The following CNIH3 variants were observed in gnomAD, a reference collection of about 807,000 sequenced individuals.
The protein encoded by CNIH3 is protein cornichon homolog 3.
Under a neutral mutation model 24.1 loss-of-function variants are expected in CNIH3, and 14 were observed. That is an observed-to-expected ratio of 0.58 (90% CI 0.38 to 0.91). The LOEUF is 0.91. Ranked by LOEUF, CNIH3 falls within the 40% of genes least tolerant of loss-of-function variation. CNIH3 has a pLI of 0.00. For missense variants in CNIH3, 178 were observed against 196.8 expected, an observed-to-expected ratio of 0.90 and a Z score of 0.57; for synonymous variants, 68 against 73.8, an observed-to-expected ratio of 0.92 and a Z score of 0.40.
At chr1:224,609,681 A>G (rs1053990273) in intron 3 of CNIH3, among the ~76,000 whole-genome samples, 4 of 152,230 alleles carry the variant, frequency 2.6e-5, no homozygotes, top group East Asian at 1.9e-4. Context: ...TAAATGAAAC[A>G]TATGGTCAGA....
Position 224,463,773 on chromosome 1 carries a change from A to ATTTTTTTTTTTTTTTTT in CNIH3, n.203+28931_203+28947dup, listed in dbSNP as rs56137320. On this transcript the variant is annotated intron_variant and non_coding_transcript_variant, in intron 1 of 5. Coordinates refer to the CNIH3 transcript ENST00000471578. Reference sequence around the variant, plus strand: ...TTCTCCCAGCTTATGAATTGTCCTCATTTTTTTTTTTTTTTTTTTTTTTTT... The same window carrying ATTTTTTTTTTTTTTTTT: ...TTCTCCCAGCTTATGAATTGTCCTCATTTTTTTTTTTTTTTTTTTTTTTTTTTTTTTTTTTTTTTTTT... 2.4e-4 allele frequency among the ~76,000 whole-genome samples: 5 copies of ATTTTTTTTTTTTTTTTT among 20,730 alleles called. 2 individuals carry two copies. The highest frequency in any genetic ancestry group is 1.8e-3 in the Admixed American group (2 of 1,132). The allele number at this position is 20,730 out of a possible 152,430, so 13.6% of individuals were successfully genotyped here. A position where few individuals can be genotyped will look rare whatever the true frequency, so the allele number is the denominator to read the frequency against.
intron 1 of CNIH3, among the ~76,000 whole-genome samples, chr1:224,678,621 G>T (rs970724214): frequency 1.3e-5 from 2 of 152,062 alleles, no homozygotes; most frequent in African/African-American, 2.4e-5. Flanking sequence ...ACTTAAAGGG[G>T]TTCTTTGTGG....
At chr1:224,443,030 G>C (rs1674987778) in intron 1 of CNIH3, among the ~76,000 whole-genome samples, 1 of 152,174 alleles carries the variant, frequency 6.6e-6, no homozygotes, top group Non-Finnish European at 1.5e-5. Flanking sequence ...TCCTCCAGAA[G>C]CTATCACAGG....
In CNIH3 at chr1:224,709,806, A is replaced by G. The variant is rs139630144; in HGVS notation, c.199-20656A>G. Among the ~76,000 whole-genome samples, 669 of 152,324 alleles carry G rather than the reference A, an allele frequency of 4.4e-3. 6 individuals are homozygous for G. The highest frequency in any genetic ancestry group is 0.015 in the African/African-American group (631 of 41,586). On this transcript the variant is annotated intron_variant, in intron 3 of 5. Transcript: ENST00000272133. ...GGGTTCTCTCTTCCTTCAACCTGCCATCTACTCATTACAGTAGTACCCCCT... is the reference window on the plus strand; with the variant it reads ...GGGTTCTCTCTTCCTTCAACCTGCCGTCTACTCATTACAGTAGTACCCCCT...
chr1:224,707,678 T>C (rs1234293362), intron 3 of CNIH3, among the ~76,000 whole-genome samples: 4 of 152,124 alleles, frequency 2.6e-5, no homozygotes, highest in Non-Finnish European at 5.9e-5. Flanking sequence ...CCCACCCAGA[T>C]CTGTGGGATC....
chr1:224,569,188 A>G (rs1416654101), intron 4 of CNIH3, among the ~76,000 whole-genome samples: 1 of 152,156 alleles, frequency 6.6e-6, no homozygotes, highest in Admixed American at 6.5e-5. Context: ...TTTTTCTAAA[A>G]TGCTTTTTTA....
intron 1 of CNIH3, among the ~76,000 whole-genome samples, chr1:224,627,155 T>A (rs563102733): frequency 6.6e-6 from 1 of 152,252 alleles, no homozygotes; most frequent in Admixed American, 6.5e-5. Context: ...AGACTGACCA[T>A]GAAAGCAGAA....
intron 3 of CNIH3, among the ~76,000 whole-genome samples, chr1:224,550,317 A>C (rs1245194061): frequency 6.6e-6 from 1 of 152,242 alleles, no homozygotes. Flanking sequence ...TATCGGAGCA[A>C]TGTTATTTCA....
chr1:224,485,298 C>T (rs1214611998), intron 1 of CNIH3, among the ~76,000 whole-genome samples: 1 of 152,182 alleles, frequency 6.6e-6, no homozygotes, highest in Non-Finnish European at 1.5e-5. Flanking sequence ...TCCTTTTCTT[C>T]ACTGAGCTTT....
chr1:224,650,511 G>C (rs2125103919), intron 1 of CNIH3, among the ~76,000 whole-genome samples: 1 of 151,794 alleles, frequency 6.6e-6, no homozygotes, highest in African/African-American at 2.4e-5. Context: ...CCTCACACAG[G>C]ATAGCAGCCC....
At chr1:224,626,157 T>C (rs1028647256) in intron 1 of CNIH3, among the ~76,000 whole-genome samples, 1 of 152,208 alleles carries the variant, frequency 6.6e-6, no homozygotes, top group African/African-American at 2.4e-5. Flanking sequence ...AAGCATTAAG[T>C]GAGCTCTGCT....
At position 224,561,074 on chromosome 1, in the gene CNIH3, T is replaced by C. The variant is rs573976027; in HGVS notation, n.451-5125T>C. On this transcript the variant is annotated intron_variant and non_coding_transcript_variant, in intron 3 of 5. Transcript: ENST00000471578. ...GTTTCTTACCCTTTGTTCTACTGGG[T>C]TCTCTGTTATTTTGCTTTTGATTAA... 6.6e-5 allele frequency among the ~76,000 whole-genome samples: 10 copies of C among 152,336 alleles called. No individual in the cohort carries two copies. In the South Asian group the frequency reaches 1.7e-3, roughly 25 times the overall value.
At chr1:224,449,563 A>G (rs570493189) in intron 1 of CNIH3, among the ~76,000 whole-genome samples, 2 of 152,100 alleles carry the variant, frequency 1.3e-5, no homozygotes, top group African/African-American at 4.8e-5. Flanking sequence ...TGGGGCAATC[A>G]TAGCTCACTG....
At chr1:224,530,670 G>A (rs1032437478) in intron 2 of CNIH3, among the ~76,000 whole-genome samples, 2 of 151,754 alleles carry the variant, frequency 1.3e-5, no homozygotes, top group Admixed American at 6.6e-5. Context: ...CATGATCTTG[G>A]CTCACTGCAA....
At chr1:224,538,012 G>A (rs1046250040), downstream of CNIH3, among the ~76,000 whole-genome samples, 9 of 151,504 alleles carry the variant, frequency 5.9e-5, no homozygotes, top group Non-Finnish European at 8.8e-5. Context: ...GTGTAATGGC[G>A]CGATCTTGGC....
intron 1 of CNIH3, among the ~76,000 whole-genome samples, chr1:224,495,435 C>T (rs1013183643): frequency 6.6e-5 from 10 of 152,184 alleles, no homozygotes; most frequent in African/African-American, 2.2e-4. Context: ...ACGATGAATT[C>T]ATTCGTTCAT....
At chr1:224,544,720 A>G (rs1186219979) in intron 2 of CNIH3, among the ~76,000 whole-genome samples, 1 of 152,106 alleles carries the variant, frequency 6.6e-6, no homozygotes, top group Non-Finnish European at 1.5e-5. Context: ...CCAAGGAGGA[A>G]CTCAAGAGCT....
intron 1 of CNIH3, among the ~76,000 whole-genome samples, chr1:224,670,036 G>A (rs889852405): frequency 6.6e-6 from 1 of 152,034 alleles, no homozygotes; most frequent in African/African-American, 2.4e-5. Flanking sequence ...ATAGCAACCA[G>A]TTGAGGTAGA....
At chr1:224,655,092 C>T (rs191564479) in intron 1 of CNIH3, among the ~76,000 whole-genome samples, 11 of 152,290 alleles carry the variant, frequency 7.2e-5, no homozygotes, top group Admixed American at 6.5e-4. Flanking sequence ...CAGGATCTAG[C>T]AACCCATGAA....
Sources: gnomAD v4.1 joint callset for allele counts (sites outside exome capture counted in the v4.1 genomes callset) on GRCh38, gnomAD v4.1.1 for gene constraint, MANE v1.5 for transcripts, NCBI Gene and HGNC (gene_info 2026-07-23, HGNC 2026-07-21) for gene names.